The following PDZD2 variants were observed in gnomAD, a reference collection of about 807,000 sequenced individuals.
The protein encoded by PDZD2 is PDZ domain containing 2.
Under a neutral mutation model 220.7 loss-of-function variants are expected in PDZD2, and 90 were observed. The ratio of observed to expected loss-of-function variants is 0.41; its 90% CI spans 0.34 to 0.49. PDZD2 has a LOEUF of 0.49. PDZD2 is among the 20% of genes least tolerant of loss of function. The pLI, the probability that PDZD2 is intolerant of heterozygous loss-of-function variation, is 0.28. For missense variants in PDZD2, 3,174 were observed against 3,608.5 expected (o/e 0.88, Z 3.08); for synonymous variants, 1,375 against 1,450.5 (o/e 0.95, Z 1.18).
At chr5:32,021,238 G>A (rs965405267) in intron 6 of PDZD2, among the ~76,000 whole-genome samples, 4 of 151,454 alleles carry the variant, frequency 2.6e-5, no homozygotes, top group Non-Finnish European at 5.9e-5. Flanking sequence ...ACCCCCTACC[G>A]TTACTGTTTG....
intron 2 of PDZD2, chr5:31,936,324 C>T (rs1026838447): frequency 5.1e-6 from 5 of 987,412 alleles, no homozygotes; most frequent in Admixed American, 1.2e-4. Context: ...AGAGCACGCT[C>T]ACCTGACCAG....
chr5:32,048,452 G>C (rs1395401743), intron 7 of PDZD2, 87 bp from the exon 8 acceptor site: 8 of 1,119,770 alleles, frequency 7.1e-6, no homozygotes, highest in African/African-American at 1.5e-5. Flanking sequence ...GAAGGTGGGT[G>C]TAAATACAAT....
Position 32,063,326 on chromosome 5 carries a change from G to A in PDZD2, c.2451+2192G>A, listed in dbSNP as rs534218446. ...TGGGATTATAGATGTGAGCCACCAC[G>A]CCCGGTCTGAGAATGATTTATTAAA... On this transcript the variant is annotated intron_variant, in intron 14 of 24. Coordinates refer to ENST00000438447, the MANE Select transcript of PDZD2 (RefSeq NM_178140.4). 7.2e-5 allele frequency among the ~76,000 whole-genome samples: 11 copies of A among 152,218 alleles called. No individual in the cohort carries two copies. The South Asian group carries it at 8.3e-4, about 12-fold the overall frequency.
chr5:31,657,870 T>C (rs1745609133), intron 1 of PDZD2, among the ~76,000 whole-genome samples: 2 of 152,178 alleles, frequency 1.3e-5, no homozygotes, highest in South Asian at 4.1e-4. Flanking sequence ...AGAAGAGATG[T>C]ACAGGAAAGA....
chr5:31,903,660 A>AAG (rs1554092494), intron 2 of PDZD2, among the ~76,000 whole-genome samples: 2 of 114,384 alleles, frequency 1.7e-5, no homozygotes, highest in African/African-American at 5.6e-5. Context: ...AAAAAAAAAA[A>AAG]AAAGAAAGAA....
intron 15 of PDZD2, among the ~76,000 whole-genome samples, chr5:32,070,542 A>T (rs1255362365): frequency 6.6e-6 from 1 of 152,200 alleles, no homozygotes; most frequent in East Asian, 1.9e-4. Flanking sequence ...ATATAGTTTA[A>T]ATCCTGAGCC....
chr5:31,710,699 C>G (rs537819455), intron 1 of PDZD2, among the ~76,000 whole-genome samples: 2 of 152,140 alleles, frequency 1.3e-5, no homozygotes, highest in Admixed American at 1.3e-4. Context: ...TGCCTGTAAT[C>G]CTAGCTACTC....
intron 1 of PDZD2, among the ~76,000 whole-genome samples, chr5:31,689,016 C>T (rs1343640558): frequency 6.6e-6 from 1 of 152,050 alleles, no homozygotes; most frequent in African/African-American, 2.4e-5. Flanking sequence ...TTGTCCAGAC[C>T]CTATTTCCAG....
At chr5:31,683,207 TAA>T (rs35467814) in intron 1 of PDZD2, among the ~76,000 whole-genome samples, 38,183 of 128,750 alleles carry the variant, frequency 0.3, 5,617 homozygotes, top group Admixed American at 0.36. Flanking sequence ...ATCAGAATGT[TAA>T]AAAAAAAAAA....
In PDZD2 at chr5:31,942,290, C is replaced by G. The variant is rs1258173976; in HGVS notation, c.477-40865C>G. On this transcript the variant is annotated intron_variant, in intron 2 of 24. Transcript: ENST00000438447. ...TGCAACTGACTAGTCTTAGAATGTT[C>G]AGACTGCAAGGTTTAGAGATGTATT... Among the ~76,000 whole-genome samples the G allele has an allele frequency of 2.0e-5, 3 of 152,088 alleles. No individual in the cohort carries two copies. In the East Asian group the frequency reaches 5.8e-4, roughly 29 times the overall value.
Position 31,646,382 on chromosome 5 carries a change from C to A in PDZD2, c.-361+6945C>A, listed in dbSNP as rs1038044765. ...ACCACAAATGTCTTCAGGAACCTGACCCCTCCACGTCATGAACACTAAGTA... is the reference window on the plus strand; with the variant it reads ...ACCACAAATGTCTTCAGGAACCTGAACCCTCCACGTCATGAACACTAAGTA... On this transcript the variant is annotated intron_variant, in intron 1 of 24. Transcript: ENST00000438447. This position sits in a 1 kb window ranked among gnomAD's most constrained non-coding sequence, Gnocchi z 4.7. Among the ~76,000 whole-genome samples the A allele has an allele frequency of 4.9e-5, 7 of 143,238 alleles. No homozygotes were observed. Among genetic ancestry groups the A allele is most frequent in the African/African-American group, 1.3e-4 (5 of 37,440 alleles). The allele number at this position is 143,238 out of a possible 152,430, so 94.0% of individuals were successfully genotyped here.
intron 1 of PDZD2, among the ~76,000 whole-genome samples, chr5:31,793,049 G>A (rs1753812144): frequency 1.3e-5 from 2 of 151,550 alleles, no homozygotes; most frequent in South Asian, 4.2e-4. Flanking sequence ...TGTTGGCCAG[G>A]CTGCTCTCGA....
At chr5:32,050,063 T>C (rs1359988186) in intron 8 of PDZD2, among the ~76,000 whole-genome samples, 1 of 152,190 alleles carries the variant, frequency 6.6e-6, no homozygotes, top group Non-Finnish European at 1.5e-5. Flanking sequence ...CTCAAGTACC[T>C]GGGATTACAG....
At position 32,010,273 on chromosome 5, in the gene PDZD2, GA is replaced by G. The variant is rs1183988640; in HGVS notation, c.1255-55del. On this transcript the variant is annotated intron_variant, in intron 5 of 24. Transcript: ENST00000438447. The stretch of plus-strand genomic sequence containing the variant: ...CTTGACTGTGCCAGGTTGCCTTCAA[GA>G]ACTGCTTGGTTCTGGGGAGTAATTC... 1.4e-5 allele frequency: 20 copies of G among 1,380,544 alleles called. No homozygotes were observed. In the Admixed American group the frequency reaches 4.0e-4, roughly 28 times the overall value. The allele number at this position is 1,380,544 out of a possible 1,614,324, so 85.5% of individuals were successfully genotyped here.
intron 2 of PDZD2, among the ~76,000 whole-genome samples, chr5:31,886,317 G>C (rs1156734378): frequency 6.6e-6 from 1 of 152,112 alleles, no homozygotes; most frequent in Non-Finnish European, 1.5e-5. Context: ...GGCTGGCAGC[G>C]ACTCCAAGCT....
At chr5:31,850,833 T>C (rs941538992) in intron 2 of PDZD2, among the ~76,000 whole-genome samples, 1 of 152,004 alleles carries the variant, frequency 6.6e-6, no homozygotes, top group Non-Finnish European at 1.5e-5. Flanking sequence ...AGACGGAGTT[T>C]CGCCGTGTTA....
intron 2 of PDZD2, among the ~76,000 whole-genome samples, chr5:31,957,402 G>T (rs1010868774): frequency 6.6e-6 from 1 of 152,184 alleles, no homozygotes; most frequent in Non-Finnish European, 1.5e-5. Context: ...AGTGCCTGGG[G>T]TGTTACGGGG....
intron 2 of PDZD2, among the ~76,000 whole-genome samples, chr5:31,859,358 C>T (rs1199442596): frequency 6.6e-6 from 1 of 152,144 alleles, no homozygotes; most frequent in Non-Finnish European, 1.5e-5. Flanking sequence ...GGTTACATTA[C>T]CCTTTTTCTT....
At chr5:31,881,989 G>A (rs1471529451) in intron 2 of PDZD2, among the ~76,000 whole-genome samples, 7 of 152,028 alleles carry the variant, frequency 4.6e-5, no homozygotes, top group South Asian at 2.1e-4. Flanking sequence ...AAAGTGCTGG[G>A]ATTACAGGTG....
Sources: gnomAD v4.1 joint callset for allele counts (sites outside exome capture counted in the v4.1 genomes callset) on GRCh38, gnomAD v4.1.1 for gene constraint, Gnocchi (gnomAD v3.1) non-coding constraint, MANE v1.5 for transcripts, NCBI Gene and HGNC (gene_info 2026-07-23, HGNC 2026-07-21) for gene names.